The following RHOQ variants were observed in gnomAD, a reference collection of about 807,000 sequenced individuals.
The protein encoded by RHOQ is rho-related GTP-binding protein RhoQ.
A neutral mutation model predicts 25.8 loss-of-function variants in RHOQ; 7 were observed. The ratio of observed to expected loss-of-function variants is 0.27; its 90% confidence interval spans 0.15 to 0.51. RHOQ has a LOEUF of 0.51. Ranked by LOEUF, RHOQ falls within the 20% of genes least tolerant of loss-of-function variation. The pLI, the probability that RHOQ is intolerant of heterozygous loss-of-function variation, is 0.97. For synonymous variants in RHOQ, 97 were observed against 98.6 expected, an observed-to-expected ratio of 0.98 and a Z score of 0.10; for missense variants, 165 against 260.6, an observed-to-expected ratio of 0.63 and a Z score of 2.53.
intron 2 of RHOQ, chr2:46,560,456 A>G (rs970637918): frequency 5.2e-6 from 2 of 383,718 alleles, no homozygotes; most frequent in Non-Finnish European, 1.1e-5. Flanking sequence ...GAACAAAGTT[A>G]TAGTGGTGGA....
At chr2:46,560,423 A>G (rs963191888) in intron 2 of RHOQ, 1 of 339,330 alleles carries the variant, frequency 2.9e-6, no homozygotes, top group African/African-American at 2.1e-5. Context: ...CTCTTTTTTT[A>G]TAGTTAGAAA....
At chr2:46,565,623 G>A (rs1449976616) in intron 2 of RHOQ, among the ~76,000 whole-genome samples, 1 of 152,208 alleles carries the variant, frequency 6.6e-6, no homozygotes, top group Admixed American at 6.5e-5. Flanking sequence ...GAGAATTCAG[G>A]TATTTGATCC....
rs1168820188 is a variant in RHOQ, at chr2:46,546,478, A to G, written c.201+2666A>G. On this transcript the variant is annotated intron_variant, in intron 2 of 4. Transcript: ENST00000238738. The stretch of plus-strand genomic sequence containing the variant: ...TATATATATATATATATATATGTGT[A>G]TATATATATATATATATATATATAT... Among the ~76,000 whole-genome samples the G allele has an allele frequency of 1.7e-3, 19 of 11,446 alleles. No individual in the cohort carries two copies. In the South Asian group the frequency reaches 0.048, roughly 29 times the overall value. The allele number at this position is 11,446 out of a possible 152,430, so 7.5% of individuals were successfully genotyped here.
At chr2:46,572,708 A>G (rs1372162312) in intron 2 of RHOQ, 2 of 442,902 alleles carry the variant, frequency 4.5e-6, no homozygotes, top group African/African-American at 2.0e-5. Flanking sequence ...GAACTAAAAT[A>G]TAATGGGTTT....
chr2:46,575,935 A>T (rs1239326976), intron 2 of RHOQ, 152 bp from the exon 3 acceptor site: 2 of 512,268 alleles, frequency 3.9e-6, no homozygotes, highest in Non-Finnish European at 6.4e-6. Context: ...AAGAATAACA[A>T]AAACAGAGTT....
At chr2:46,545,859 C>G (rs539964163) in intron 2 of RHOQ, among the ~76,000 whole-genome samples, 2 of 152,276 alleles carry the variant, frequency 1.3e-5, no homozygotes, top group South Asian at 4.1e-4. Flanking sequence ...GTTGACCCCA[C>G]TTACAAAACC....
At chr2:46,550,362 G>T (rs144556623) in intron 2 of RHOQ, among the ~76,000 whole-genome samples, 1 of 152,330 alleles carries the variant, frequency 6.6e-6, no homozygotes, top group East Asian at 1.9e-4. Flanking sequence ...TTCCAGGAAA[G>T]CTTCACTAAT....
intron 2 of RHOQ, among the ~76,000 whole-genome samples, chr2:46,561,668 C>G (rs1235837905): frequency 1.3e-5 from 2 of 152,144 alleles, no homozygotes; most frequent in East Asian, 3.9e-4. Flanking sequence ...TCTCTCCACT[C>G]TGAATCCCTG....
intron 2 of RHOQ, among the ~76,000 whole-genome samples, chr2:46,567,693 C>T (rs562720501): frequency 3.9e-4 from 60 of 152,086 alleles, no homozygotes; most frequent in Non-Finnish European, 8.1e-4. Flanking sequence ...CACCCAGCCT[C>T]CTGTGATGTT....
rs1318167498 is a variant in RHOQ at position 46,566,870 on chromosome 2, ACT to A, written c.202-9215_202-9214del. Among the ~76,000 whole-genome samples, 1 of 151,860 alleles carries A rather than the reference ACT, an allele frequency of 6.6e-6. No individual in the cohort carries two copies. The highest frequency in any genetic ancestry group is 1.5e-5 in the Non-Finnish European group (1 of 67,978). The stretch of plus-strand genomic sequence containing the variant: ...GTCTTTCTTGCCTGCGCAGACTGAA[ACT>A]CATCTTCCTGGTTATTCTCTCTCCC... On this transcript the variant is annotated intron_variant, in intron 2 of 4. Transcript: ENST00000238738. This position sits in a 1 kb window ranked among gnomAD's most constrained non-coding sequence, Gnocchi z 4.2.
intron 4 of RHOQ, among the ~76,000 whole-genome samples, chr2:46,578,333 T>G (rs1360709323): frequency 6.6e-6 from 1 of 151,848 alleles, no homozygotes; most frequent in Non-Finnish European, 1.5e-5. Flanking sequence ...CAATTCCATA[T>G]GTAAGAGTTT....
At chr2:46,557,310 T>G (rs1030742691) in intron 2 of RHOQ, among the ~76,000 whole-genome samples, 12 of 152,210 alleles carry the variant, frequency 7.9e-5, no homozygotes, top group African/African-American at 2.9e-4. Flanking sequence ...TATAAACACA[T>G]TGATGCATAG....
chr2:46,543,607 G>T, intron 1 of RHOQ, 147 bp from the exon 2 acceptor site: 1 of 696,246 alleles, frequency 1.4e-6, no homozygotes, highest in East Asian at 2.7e-5. Flanking sequence ...TGAGCTGGCC[G>T]CACGGGAAAA....
intron 2 of RHOQ, among the ~76,000 whole-genome samples, chr2:46,568,069 A>T (rs1255714042): frequency 6.6e-6 from 1 of 152,178 alleles, no homozygotes; most frequent in Non-Finnish European, 1.5e-5. Flanking sequence ...ACCCTGCTCA[A>T]AAAAGAAAAA....
chr2:46,568,026 GCTACTGCACTCCAGC>G (rs1192248275), intron 2 of RHOQ, among the ~76,000 whole-genome samples: 2 of 152,188 alleles, frequency 1.3e-5, no homozygotes, highest in African/African-American at 4.8e-5. Context: ...CTGTGATCAT[GCTACTGCACTCCAGC>G]CTGGGTGACG....
chr2:46,556,251 T>G lies in RHOQ; in HGVS notation c.201+12439T>G, dbSNP rs1397350646. Among the ~76,000 whole-genome samples the G allele has an allele frequency of 3.3e-5, 5 of 152,198 alleles. No homozygotes were observed. Among genetic ancestry groups the G allele is most frequent in the African/African-American group, 9.6e-5 (4 of 41,454 alleles). On this transcript the variant is annotated intron_variant, in intron 2 of 4. Transcript: ENST00000238738. The surrounding 1 kb of genome is among the most constrained non-coding windows in gnomAD (Gnocchi z 4.9). ...GAAGGTATCAACATTCCATTCCTTT[T>G]TATGGCTCTGTGATCTTTCTCTTTC...
chr2:46,553,027 G>A (rs1315521008), intron 2 of RHOQ, among the ~76,000 whole-genome samples: 9 of 152,194 alleles, frequency 5.9e-5, no homozygotes, highest in Non-Finnish European at 1.0e-4. Flanking sequence ...TTCTCAAAGT[G>A]TGATCCTCAA....
At chr2:46,551,141 G>C (rs1352860692) in intron 2 of RHOQ, among the ~76,000 whole-genome samples, 5 of 152,194 alleles carry the variant, frequency 3.3e-5, no homozygotes, top group Non-Finnish European at 7.3e-5. Flanking sequence ...TTATCTGTCA[G>C]ATGGAGATTA....
chr2:46,546,563 GA>G (rs1668076729), intron 2 of RHOQ, among the ~76,000 whole-genome samples: 1 of 133,904 alleles, frequency 7.5e-6, no homozygotes, highest in African/African-American at 2.8e-5. Context: ...GGGCAGCAGA[GA>G]AAGGTCCATG....
Sources: gnomAD v4.1 joint callset for allele counts (sites outside exome capture counted in the v4.1 genomes callset) on GRCh38, gnomAD v4.1.1 for gene constraint, Gnocchi (gnomAD v3.1) non-coding constraint, MANE v1.5 for transcripts, NCBI Gene and HGNC (gene_info 2026-07-23, HGNC 2026-07-21) for gene names.